The following DCLK2 variants were observed in gnomAD, a reference collection of about 807,000 sequenced individuals.
DCLK2 encodes the protein doublecortin like kinase 2.
A neutral mutation model predicts 78.4 loss-of-function variants in DCLK2; 31 were observed. The ratio of observed to expected loss-of-function variants is 0.40; its 90% CI spans 0.30 to 0.53. The LOEUF is 0.53. Among genes scored for constraint, DCLK2 ranks in the 20% least tolerant of loss-of-function variants. The probability of loss-of-function intolerance (pLI) is 0.61; values close to 1 mark genes in which losing one functional copy is unlikely to be tolerated. For synonymous variants in DCLK2, 407 were observed against 374.9 expected (o/e 1.09, Z -0.99); for missense variants, 872 against 973.7 (o/e 0.90, Z 1.39).
chr4:150,132,146 T>C (rs1390903214), intron 2 of DCLK2, among the ~76,000 whole-genome samples: 1 of 152,188 alleles, frequency 6.6e-6, no homozygotes, highest in Non-Finnish European at 1.5e-5. Context: ...GCATGCAAGT[T>C]GGCTGCTGCT....
At chr4:150,200,008 G>A (rs1016830021) in intron 4 of DCLK2, among the ~76,000 whole-genome samples, 1 of 152,136 alleles carries the variant, frequency 6.6e-6, no homozygotes, top group African/African-American at 2.4e-5. Flanking sequence ...ATGTAGCAAG[G>A]CCCTGTCTCT....
chr4:150,094,579 C>T (rs763962055), intron 1 of DCLK2, among the ~76,000 whole-genome samples: 1 of 152,166 alleles, frequency 6.6e-6, no homozygotes, highest in Non-Finnish European at 1.5e-5. Context: ...GTGTCTCAGA[C>T]CATGCATGAG....
rs1454035697 is a variant in DCLK2 at position 150,175,011 on chromosome 4, A to AAAAAAAAAATAT, written c.757-18126_757-18125insAAAAAAAATATA. Among the ~76,000 whole-genome samples, 77 of 9,968 alleles carry AAAAAAAAAATAT rather than the reference A, an allele frequency of 7.7e-3. 11 individuals carry two copies. The highest frequency in any genetic ancestry group is 0.013 in the South Asian group (5 of 380). 6.5% of individuals were successfully genotyped at this position (9,968 alleles called of 152,430 possible). A position where few individuals can be genotyped will look rare whatever the true frequency, so the allele number is the denominator to read the frequency against. ...AGACTCCGTCGCAAAAAAAAAAAAAAATATATATATATATATATATATTTA... is the reference window on the plus strand; with the variant it reads ...AGACTCCGTCGCAAAAAAAAAAAAAAAAAAAAAAATATATATATATATATATATATATATTTA... On this transcript the variant is annotated intron_variant, in intron 2 of 15. Coordinates refer to ENST00000296550, the MANE Select transcript of DCLK2 (RefSeq NM_001040260.4).
intron 5 of DCLK2, among the ~76,000 whole-genome samples, chr4:150,206,528 C>A (rs1486913785): frequency 6.6e-6 from 1 of 152,152 alleles, no homozygotes; most frequent in Non-Finnish European, 1.5e-5. Context: ...TTGCTAACAG[C>A]TGTGATACTT....
Position 150,203,848 on chromosome 4 carries a change from A to T in DCLK2, c.1015A>T (p.Ser339Cys). The T allele has an allele frequency of 6.2e-7, 1 of 1,614,038 alleles. No individual in the cohort carries two copies. Among genetic ancestry groups the T allele is most frequent in the African/African-American group, 1.3e-5 (1 of 75,050 alleles). The change falls in exon 5 of 16, where the codon AGT (serine) becomes TGT (cysteine). Residue 339 changes from serine to cysteine, a missense_variant. Physicochemically the swap from Ser to Cys is moderately radical, Grantham distance 112. Transcript: ENST00000296550. ...LSTPKSTKSS[S>C]SSPTSPGSFR... ...TACTCCTAAATCTACGAAATCCTCCAGTTCCTCTCCAACTAGTCCAGGAAG... is the reference window on the plus strand; with the variant it reads ...TACTCCTAAATCTACGAAATCCTCCTGTTCCTCTCCAACTAGTCCAGGAAG...
At chr4:150,169,000 C>T (rs1736306587) in intron 2 of DCLK2, among the ~76,000 whole-genome samples, 1 of 152,106 alleles carries the variant, frequency 6.6e-6, no homozygotes, top group Non-Finnish European at 1.5e-5. Flanking sequence ...TTCCTTAATA[C>T]TACAAAGTTC....
Position 150,192,613 on chromosome 4 carries a change from G to A in DCLK2, c.757-525G>A, listed in dbSNP as rs28609620. On this transcript the variant is annotated intron_variant, in intron 2 of 15. Transcript: ENST00000296550. ...TCTTGATAATGCTGGTGGTAGGGAT[G>A]ATGGGGGTGACTATTAACACATTGA... Among the ~76,000 whole-genome samples the A allele has an allele frequency of 6.6e-3, 998 of 152,256 alleles. 5 individuals carry two copies. The highest frequency in any genetic ancestry group is 0.023 in the African/African-American group (957 of 41,534).
intron 12 of DCLK2, among the ~76,000 whole-genome samples, chr4:150,246,461 C>T (rs960361733): frequency 2.0e-5 from 3 of 152,160 alleles, no homozygotes; most frequent in Admixed American, 2.0e-4. Context: ...CCACGCTTGC[C>T]CTTGTTCCCC....
rs774227285 is a variant in DCLK2, at chr4:150,232,354, T to C, written c.1317T>C (p.Asn439=). Residue 439 remains asparagine (N), a synonymous_variant, in exon 9 of 16, where the codon AAT becomes AAC. Coordinates refer to ENST00000296550, the MANE Select transcript of DCLK2 (RefSeq NM_001040260.4). The stretch of plus-strand genomic sequence containing the variant: ...TTTGACAGGAACACCTGATTGAGAA[T>C]GAAGTGTCAATACTGCGCCGAGTGA... ...KCCGKEHLIE[N]EVSILRRVKH... The C allele has an allele frequency of 4.3e-6, 7 of 1,614,038 alleles. No individual in the cohort carries two copies. Among genetic ancestry groups the C allele is most frequent in the Non-Finnish European group, 5.9e-6 (7 of 1,179,984 alleles).
Position 150,114,503 on chromosome 4 carries a change from G to C in DCLK2, c.756+11691G>C, listed in dbSNP as rs1301704748. On this transcript the variant is annotated intron_variant, in intron 2 of 15. Transcript: ENST00000296550. Reference sequence around the variant, plus strand: ...TGGTATTTTTTTATAGGCCCTGTGAGTTTTATGCTGTCAAGAGGTTCTATT... The same window carrying C: ...TGGTATTTTTTTATAGGCCCTGTGACTTTTATGCTGTCAAGAGGTTCTATT... Among the ~76,000 whole-genome samples the C allele has an allele frequency of 2.6e-5, 4 of 152,130 alleles. No homozygotes were observed. In the East Asian group the frequency reaches 7.7e-4, roughly 29 times the overall value.
At chr4:150,097,404 C>A (rs1002791872) in intron 1 of DCLK2, among the ~76,000 whole-genome samples, 5 of 152,130 alleles carry the variant, frequency 3.3e-5, no homozygotes. Flanking sequence ...CTGAAATGAT[C>A]TGCCCACCTT....
chr4:150,197,748 C>G (rs1031566327), intron 3 of DCLK2, among the ~76,000 whole-genome samples: 6 of 150,736 alleles, frequency 4.0e-5, no homozygotes, highest in African/African-American at 1.5e-4. Context: ...GAGCCCAGAT[C>G]GCGCCATTGC....
chr4:150,243,370 A>G (rs1743066597), intron 12 of DCLK2, among the ~76,000 whole-genome samples: 1 of 152,214 alleles, frequency 6.6e-6, no homozygotes, highest in Non-Finnish European at 1.5e-5. Context: ...AGAATCTGTA[A>G]TGTTAAACGT....
chr4:150,111,070 A>G (rs758691373), intron 2 of DCLK2, among the ~76,000 whole-genome samples: 3 of 152,182 alleles, frequency 2.0e-5, no homozygotes, highest in African/African-American at 4.8e-5. Flanking sequence ...ACTGTTTTCC[A>G]TAGAGGTTGT....
At chr4:150,221,618 T>C in intron 6 of DCLK2, 59 bp from the exon 7 acceptor site, 1 of 1,067,896 alleles carries the variant, frequency 9.4e-7, no homozygotes, top group Non-Finnish European at 1.4e-6. Flanking sequence ...TACAAATATG[T>C]AGGAATCTGT....
chr4:150,200,921 G>A (rs899380786), intron 4 of DCLK2, among the ~76,000 whole-genome samples: 2 of 152,202 alleles, frequency 1.3e-5, no homozygotes, highest in African/African-American at 2.4e-5. Flanking sequence ...GAGTTCAAGC[G>A]ATTCTCCTGC....
chr4:150,147,706 C>G (rs949939865), intron 2 of DCLK2, among the ~76,000 whole-genome samples: 3 of 152,154 alleles, frequency 2.0e-5, no homozygotes, highest in African/African-American at 7.2e-5. Flanking sequence ...TAGAAAGTTG[C>G]CCTGCCTGTG....
chr4:150,200,962 C>T (rs1739404475), intron 4 of DCLK2, among the ~76,000 whole-genome samples: 1 of 152,118 alleles, frequency 6.6e-6, no homozygotes, highest in African/African-American at 2.4e-5. Flanking sequence ...GGACTACAGG[C>T]GTGCGCCACC....
intron 8 of DCLK2, among the ~76,000 whole-genome samples, chr4:150,228,186 A>T (rs1312354186): frequency 6.6e-6 from 1 of 152,186 alleles, no homozygotes; most frequent in Non-Finnish European, 1.5e-5. Flanking sequence ...TTATCTCTCC[A>T]CTGCAGAACC....
Sources: allele counts gnomAD v4.1 joint callset (sites outside exome capture counted in the v4.1 genomes callset), GRCh38; gene constraint gnomAD v4.1.1; transcripts MANE v1.5; gene names NCBI Gene and HGNC (gene_info 2026-07-23, HGNC 2026-07-21).